The following ELOVL5 variants were observed in gnomAD, a reference collection of about 807,000 sequenced individuals.
ELOVL5 encodes the protein very long chain fatty acid elongase 5.
In ELOVL5, 8 loss-of-function variants were observed where a neutral mutation model predicts 38.6. The ratio of observed to expected loss-of-function variants is 0.21; its 90% CI spans 0.12 to 0.37. The LOEUF is 0.37. ELOVL5 is among the 10% of genes least tolerant of loss of function. The pLI, the probability that ELOVL5 is intolerant of heterozygous loss-of-function variation, is 1.00. For missense variants in ELOVL5, 280 were observed against 367.8 expected, an observed-to-expected ratio of 0.76 and a Z score of 1.95; for synonymous variants, 127 against 133.7, an observed-to-expected ratio of 0.95 and a Z score of 0.34.
At chr6:53,328,705 T>C (rs768245443) in intron 1 of ELOVL5, among the ~76,000 whole-genome samples, 1 of 151,962 alleles carries the variant, frequency 6.6e-6, no homozygotes, top group African/African-American at 2.4e-5. Context: ...TTCCAAAAGG[T>C]TGCTAGTCTG....
intron 3 of ELOVL5, among the ~76,000 whole-genome samples, chr6:53,282,250 A>G (rs949874801): frequency 5.9e-5 from 9 of 152,228 alleles, no homozygotes; most frequent in Admixed American, 1.3e-4. Context: ...ATTTAAAGGA[A>G]GGTCTCCAGC....
At chr6:53,275,394 T>G in intron 4 of ELOVL5, 133 bp from the exon 5 acceptor site, 2 of 787,322 alleles carry the variant, frequency 2.5e-6, no homozygotes, top group Non-Finnish European at 4.1e-6. Context: ...GAGCTCTTAA[T>G]GTCCATCAGT....
chr6:53,306,210 G>A (rs1235417650), intron 1 of ELOVL5, among the ~76,000 whole-genome samples: 1 of 13,544 alleles, frequency 7.4e-5, no homozygotes, highest in Non-Finnish European at 1.2e-4. Context: ...GGAGGAGAAA[G>A]GGGAGAGGGG....
At chr6:53,322,752 A>G (rs1003275821) in intron 1 of ELOVL5, among the ~76,000 whole-genome samples, 8 of 152,262 alleles carry the variant, frequency 5.3e-5, no homozygotes. Flanking sequence ...GTCAAGTACT[A>G]AGATAAGCTA....
chr6:53,292,021 G>A lies in ELOVL5; in HGVS notation c.59-58C>T, dbSNP rs185876296. ...AAACATTCACAACTTTTCAAACGTT[G>A]AAAAAATTTCTCTAACCATGATGAT... On this transcript the variant is annotated intron_variant, in intron 2 of 7. Transcript: ENST00000304434. 433 of 1,187,028 alleles carry A rather than the reference G, an allele frequency of 3.6e-4. 3 individuals are homozygous for A. The Admixed American group carries it at 9.8e-3, about 27-fold the overall frequency. 73.5% of individuals were successfully genotyped at this position (1,187,028 alleles called of 1,614,324 possible).
chr6:53,324,739 A>C (rs922177039), intron 1 of ELOVL5, among the ~76,000 whole-genome samples: 1 of 150,890 alleles, frequency 6.6e-6, no homozygotes, highest in African/African-American at 2.4e-5. Context: ...GGTCTATAGC[A>C]ACGACTCTGG....
At chr6:53,294,171 C>G in intron 2 of ELOVL5, 1 of 1,432,948 alleles carries the variant, frequency 7.0e-7, no homozygotes, top group South Asian at 1.6e-5. Context: ...CATATTCATC[C>G]TCCCACACCG....
intron 1 of ELOVL5, among the ~76,000 whole-genome samples, chr6:53,323,884 C>G (rs1454360749): frequency 6.6e-6 from 1 of 152,160 alleles, no homozygotes; most frequent in Admixed American, 6.5e-5. Flanking sequence ...CAATATTAGT[C>G]AGTTTCTAAA....
intron 1 of ELOVL5, among the ~76,000 whole-genome samples, chr6:53,303,900 T>A: frequency 6.6e-6 from 1 of 152,232 alleles, no homozygotes; most frequent in East Asian, 1.9e-4. Flanking sequence ...CCTTCCTCCC[T>A]GTCCTCTTGC....
At chr6:53,269,529 T>C (rs753739650) in intron 7 of ELOVL5, among the ~76,000 whole-genome samples, 6 of 152,098 alleles carry the variant, frequency 3.9e-5, no homozygotes, top group African/African-American at 7.2e-5. Flanking sequence ...AAATGTCACA[T>C]AGAAAATTCA....
chr6:53,312,204 T>C (rs1005118463), intron 1 of ELOVL5, among the ~76,000 whole-genome samples: 2 of 152,214 alleles, frequency 1.3e-5, no homozygotes, highest in African/African-American at 4.8e-5. Context: ...TGGGCATTTA[T>C]TTTAGAGAAA....
intron 2 of ELOVL5, chr6:53,294,251 T>C: frequency 6.5e-7 from 1 of 1,536,170 alleles, no homozygotes; most frequent in African/African-American, 1.4e-5. Context: ...CTAGTCAATC[T>C]GTGGTGGTCC....
intron 3 of ELOVL5, 102 bp from the exon 4 acceptor site, chr6:53,276,358 G>A: frequency 1.3e-6 from 1 of 768,524 alleles, no homozygotes; most frequent in Non-Finnish European, 2.2e-6. Flanking sequence ...ACCTTGGGCT[G>A]TGCTGAGCCA....
At chr6:53,282,431 G>C (rs1189114896) in intron 3 of ELOVL5, among the ~76,000 whole-genome samples, 2 of 152,234 alleles carry the variant, frequency 1.3e-5, no homozygotes, top group East Asian at 1.9e-4. Flanking sequence ...CCTCTCTGTA[G>C]AAAGTATTCC....
chr6:53,319,022 G>A (rs1452417638), intron 1 of ELOVL5, among the ~76,000 whole-genome samples: 2 of 151,996 alleles, frequency 1.3e-5, no homozygotes, highest in East Asian at 3.9e-4. Flanking sequence ...AGTGGCTCAT[G>A]CCTGTAATCC....
At chr6:53,340,681 G>A (rs907933563) in intron 1 of ELOVL5, among the ~76,000 whole-genome samples, 2 of 152,204 alleles carry the variant, frequency 1.3e-5, no homozygotes, top group Admixed American at 6.5e-5. Flanking sequence ...TTGTAGCCTA[G>A]GAGCAATGTG....
intron 1 of ELOVL5, among the ~76,000 whole-genome samples, chr6:53,344,094 A>C (rs1769439760): frequency 6.6e-6 from 1 of 152,250 alleles, no homozygotes; most frequent in Non-Finnish European, 1.5e-5. Flanking sequence ...ACAATAGATG[A>C]AATGTGGTAG....
intron 3 of ELOVL5, among the ~76,000 whole-genome samples, chr6:53,282,554 CAACT>C (rs754820734): frequency 1.3e-5 from 2 of 152,242 alleles, no homozygotes; most frequent in Non-Finnish European, 2.9e-5. Context: ...ACACTAGGGA[CAACT>C]AACTGTTTCC....
At chr6:53,346,677 C>T (rs1205514216) in intron 1 of ELOVL5, among the ~76,000 whole-genome samples, 4 of 152,134 alleles carry the variant, frequency 2.6e-5, no homozygotes, top group Non-Finnish European at 2.9e-5. Flanking sequence ...TCTCTTCACA[C>T]TAACTACCCA....
Sources: gnomAD v4.1 joint callset for allele counts (sites outside exome capture counted in the v4.1 genomes callset) on GRCh38, gnomAD v4.1.1 for gene constraint, MANE v1.5 for transcripts, NCBI Gene and HGNC (gene_info 2026-07-23, HGNC 2026-07-21) for gene names.